ITGA6: variants seen among roughly 807,000 people sequenced by gnomAD.
ITGA6 encodes integrin subunit alpha 6, also known as integrin alpha-6.
A neutral mutation model predicts 133.6 loss-of-function variants in ITGA6; 63 were observed. That is an observed-to-expected ratio of 0.47 (90% confidence interval 0.38 to 0.58). ITGA6 has a LOEUF of 0.58. ITGA6 is among the 20% of genes least tolerant of loss of function. The probability of loss-of-function intolerance (pLI) is 0.00; values close to 1 mark genes in which losing one functional copy is unlikely to be tolerated. For synonymous variants in ITGA6, 434 were observed against 482.0 expected, an observed-to-expected ratio of 0.90 and a Z score of 1.30; for missense variants, 1,068 against 1,309.4, an observed-to-expected ratio of 0.82 and a Z score of 2.85.
At chr2:172,468,554 T>A (rs898333089) in intron 3 of ITGA6, among the ~76,000 whole-genome samples, 2 of 152,234 alleles carry the variant, frequency 1.3e-5, no homozygotes, top group African/African-American at 4.8e-5. Flanking sequence ...CTTCTGGCCT[T>A]GTAATTCTCT....
intron 1 of ITGA6, among the ~76,000 whole-genome samples, chr2:172,449,967 T>G (rs187019851): frequency 1.2e-3 from 175 of 149,322 alleles, no homozygotes; most frequent in African/African-American, 4.0e-3. Context: ...ATGGTGGAGT[T>G]AGCCCTGAGG....
intron 1 of ITGA6, among the ~76,000 whole-genome samples, chr2:172,434,044 C>T (rs1353319978): frequency 1.3e-5 from 2 of 152,176 alleles, no homozygotes; most frequent in African/African-American, 2.4e-5. Flanking sequence ...ACACCTCCAT[C>T]CCTAGGAGGC....
intron 23 of ITGA6, among the ~76,000 whole-genome samples, chr2:172,492,017 A>G (rs1474224178): frequency 6.6e-6 from 1 of 152,208 alleles, no homozygotes; most frequent in Non-Finnish European, 1.5e-5. Context: ...GGAAATGGTC[A>G]TGCCTCCTTG....
At chr2:172,464,401 G>T (rs1368197584) in intron 1 of ITGA6, 1 of 152,180 alleles carries the variant, frequency 6.6e-6, no homozygotes, top group Non-Finnish European at 1.5e-5. Context: ...GTTTTCTGTT[G>T]TAAGAATTTG....
At position 172,506,403 on chromosome 2, in the gene ITGA6, T is replaced by TTTCA. The variant is rs2149113989; in HGVS notation, c.*2338_*2341dup. ...GCTCTATGTAGGTGATCCTCAAGTCTTTCATTTTCCTTCTTTATGATTAAA... is the reference window on the plus strand; with the variant it reads ...GCTCTATGTAGGTGATCCTCAAGTCTTTCATTCATTTTCCTTCTTTATGATTAAA... On this transcript the variant is annotated 3_prime_UTR_variant, in exon 26 of 26. Transcript: ENST00000684293. The TTTCA allele has an allele frequency of 6.6e-6, 1 of 152,314 alleles. No homozygotes were observed. The highest frequency in any genetic ancestry group is 2.1e-4 in the South Asian group (1 of 4,826). The allele number at this position is 152,314 out of a possible 1,614,324, so 9.4% of individuals were successfully genotyped here. A position where few individuals can be genotyped will look rare whatever the true frequency, so the allele number is the denominator to read the frequency against.
chr2:172,489,727 T>C lies in ITGA6; in HGVS notation c.2679+69T>C, dbSNP rs552702003. 5 of 1,328,904 alleles carry C rather than the reference T, an allele frequency of 3.8e-6. No homozygotes were observed. The South Asian group carries it at 4.9e-5, about 13-fold the overall frequency. 82.3% of individuals were successfully genotyped at this position (1,328,904 alleles called of 1,614,324 possible). A position where few individuals can be genotyped will look rare whatever the true frequency, so the allele number is the denominator to read the frequency against. On this transcript the variant is annotated intron_variant, in intron 20 of 25. Transcript: ENST00000684293. ...GAGAAACTAACTTGTTAGGGGAAAA[T>C]CATTACTGTTCTTAGGAAAGTGGCA... is the stretch of plus-strand genomic sequence containing the variant.
At chr2:172,492,244 T>G (rs1453068690) in intron 23 of ITGA6, among the ~76,000 whole-genome samples, 1 of 152,224 alleles carries the variant, frequency 6.6e-6, no homozygotes, top group Non-Finnish European at 1.5e-5. Context: ...GCCTAAAATT[T>G]GCTTTTTCAA....
At chr2:172,457,564 T>G (rs1205779548) in intron 1 of ITGA6, among the ~76,000 whole-genome samples, 1 of 152,184 alleles carries the variant, frequency 6.6e-6, no homozygotes, top group African/African-American at 2.4e-5. Context: ...TTGTATAAAT[T>G]TAAACGATCA....
chr2:172,453,103 G>GTC (rs1685072596), intron 1 of ITGA6, among the ~76,000 whole-genome samples: 1 of 152,140 alleles, frequency 6.6e-6, no homozygotes, highest in Non-Finnish European at 1.5e-5. Context: ...AGAGTGAAAG[G>GTC]TCGTGTTCTC....
At chr2:172,438,089 G>A (rs1044735899) in intron 1 of ITGA6, among the ~76,000 whole-genome samples, 2 of 151,668 alleles carry the variant, frequency 1.3e-5, no homozygotes, top group African/African-American at 2.4e-5. Context: ...CTGTAGAGGG[G>A]AGCAGAGCCA....
At position 172,471,102 on chromosome 2, in the gene ITGA6, TTAGG is replaced by T. The variant is rs759810439; in HGVS notation, c.775+2_775+5del. On this transcript the variant is annotated splice_donor_variant and coding_sequence_variant, in exon 5 of 26. Transcript: ENST00000684293. LOFTEE classifies it high-confidence loss of function. ...CGTTCCTGTTCCTGCTAACAGTTACTTAGGTAGGAGCAGGCACAGATGGCTGCCT... is the reference window on the plus strand; with the variant it reads ...CGTTCCTGTTCCTGCTAACAGTTACTTAGGAGCAGGCACAGATGGCTGCCT... The T allele has an allele frequency of 3.7e-6, 6 of 1,614,106 alleles. No homozygotes were observed. The highest frequency in any genetic ancestry group is 1.3e-5 in the African/African-American group (1 of 74,930).
intron 1 of ITGA6, among the ~76,000 whole-genome samples, chr2:172,445,514 T>C (rs1228135940): frequency 1.3e-5 from 2 of 150,850 alleles, no homozygotes; most frequent in East Asian, 3.9e-4. Context: ...CCGGGCATGG[T>C]GGTGGGCGCC....
rs759756938 is a variant in ITGA6 at position 172,474,283 on chromosome 2, T to G, written c.986+18T>G. The G allele has an allele frequency of 9.4e-6, 15 of 1,600,930 alleles. No homozygotes were observed. The highest frequency in any genetic ancestry group is 3.4e-4 in the Middle Eastern group (2 of 5,820). ...AAGGATGGGTGAGAAAGCCTCAGGT[T>G]ATATTATGCTGCAAATCATTTCTGC... On this transcript the variant is annotated intron_variant, in intron 6 of 25. Coordinates refer to ENST00000684293, the MANE Select transcript of ITGA6 (RefSeq NM_000210.4).
At chr2:172,446,271 T>A (rs1313597460) in intron 1 of ITGA6, among the ~76,000 whole-genome samples, 3 of 152,232 alleles carry the variant, frequency 2.0e-5, no homozygotes, top group Non-Finnish European at 4.4e-5. Context: ...CTCTTCTTGT[T>A]TTTTATTTAA....
chr2:172,498,593 G>A (rs569991975), intron 24 of ITGA6, among the ~76,000 whole-genome samples: 2 of 152,322 alleles, frequency 1.3e-5, no homozygotes, highest in East Asian at 1.9e-4. Flanking sequence ...TCACTATAGC[G>A]TGTATCAAAC....
intron 1 of ITGA6, among the ~76,000 whole-genome samples, chr2:172,449,142 T>A: frequency 6.6e-6 from 1 of 152,176 alleles, no homozygotes; most frequent in Admixed American, 6.5e-5. Flanking sequence ...GGGCTCCCAA[T>A]TGTGGTGGGA....
intron 1 of ITGA6, among the ~76,000 whole-genome samples, chr2:172,464,092 AC>A (rs1457010889): frequency 6.6e-6 from 1 of 152,016 alleles, no homozygotes; most frequent in Non-Finnish European, 1.5e-5. Context: ...GCTGACTGTG[AC>A]TGTCCAGGGA....
chr2:172,445,339 T>C (rs1270982748), intron 1 of ITGA6, among the ~76,000 whole-genome samples: 1 of 116,646 alleles, frequency 8.6e-6, no homozygotes, highest in South Asian at 3.8e-4. Context: ...TTTTCTTTTC[T>C]TTTTTTTTTT....
Position 172,501,855 on chromosome 2 carries a change from A to G in ITGA6, c.3198A>G (p.Lys1066=). The change falls in exon 25 of 26, where the codon AAA becomes AAG. Residue 1066 remains lysine (K), a synonymous_variant. Coordinates refer to ENST00000684293, the MANE Select transcript of ITGA6 (RefSeq NM_000210.4). ...AGATCCATGCTCAGCCATCTGATAAAGAGAGGCTTACTTCTGATGCATAGT... is the reference window on the plus strand; with the variant it reads ...AGATCCATGCTCAGCCATCTGATAAGGAGAGGCTTACTTCTGATGCATAGT... The part of the protein sequence containing the change: ...KAEIHAQPSD[K]ERLTSDA The G allele has an allele frequency of 6.2e-7, 1 of 1,611,984 alleles. No individual in the cohort carries two copies. The highest frequency in any genetic ancestry group is 1.7e-5 in the Admixed American group (1 of 60,020).
Sources: gnomAD v4.1 joint callset for allele counts (sites outside exome capture counted in the v4.1 genomes callset) on GRCh38, gnomAD v4.1.1 for gene constraint, MANE v1.5 for transcripts, NCBI Gene and HGNC (gene_info 2026-07-23, HGNC 2026-07-21) for gene names.